The following SPTB variants were observed in gnomAD, a reference collection of about 807,000 sequenced individuals.
SPTB encodes spectrin beta, erythrocytic.
In SPTB, 45 loss-of-function variants were observed where a neutral mutation model predicts 256.2. The observed-to-expected ratio is 0.18, with a 90% CI of 0.14 to 0.23. SPTB has a LOEUF of 0.23. Ranked by LOEUF, SPTB falls within the 10% of genes least tolerant of loss-of-function variation. The pLI is 1.00. For synonymous variants in SPTB, 1,231 were observed against 1,243.1 expected (o/e 0.99, Z 0.21); for missense variants, 2,715 against 3,040.4 (o/e 0.89, Z 2.52).
intron 1 of SPTB, among the ~76,000 whole-genome samples, chr14:64,830,057 C>G (rs2083429316): frequency 6.6e-6 from 1 of 152,148 alleles, no homozygotes; most frequent in Admixed American, 6.5e-5. Flanking sequence ...CCTGGTCACC[C>G]TCTCTAAGGT....
chr14:64,842,494 C>A (rs559093308), intron 1 of SPTB, among the ~76,000 whole-genome samples: 5 of 152,230 alleles, frequency 3.3e-5, no homozygotes, highest in Admixed American at 6.5e-5. Context: ...GAGCCCTAGG[C>A]CATTTACTTA....
intron 1 of SPTB, among the ~76,000 whole-genome samples, chr14:64,868,377 A>G (rs1015566944): frequency 6.6e-6 from 1 of 152,196 alleles, no homozygotes; most frequent in Non-Finnish European, 1.5e-5. Context: ...TGGTGACAAC[A>G]TGAACCTAGC....
intron 1 of SPTB, among the ~76,000 whole-genome samples, chr14:64,838,864 T>C (rs896315621): frequency 1.3e-5 from 2 of 152,172 alleles, no homozygotes; most frequent in African/African-American, 4.8e-5. Flanking sequence ...CTGGGTGTGG[T>C]GACTCACATC....
At chr14:64,877,524 T>G (rs1882882883) in intron 1 of SPTB, among the ~76,000 whole-genome samples, 1 of 152,202 alleles carries the variant, frequency 6.6e-6, no homozygotes, top group South Asian at 2.1e-4. Flanking sequence ...TTTCCTTACT[T>G]GTAAAATGTT....
rs771882023 is a variant in SPTB, at chr14:64,775,117, G to A, written c.4842+8C>T. On this transcript the variant is annotated splice_region_variant and intron_variant, in intron 23 of 35. Transcript: ENST00000644917. This position sits in a 1 kb window ranked among gnomAD's most constrained non-coding sequence, Gnocchi z 5.0. ...GCACCCTGGCTGGTATCCCCTGCCCGAACAGACCTTGGGGATCTCATCGGA... is the reference window on the plus strand; with the variant it reads ...GCACCCTGGCTGGTATCCCCTGCCCAAACAGACCTTGGGGATCTCATCGGA... The A allele has an allele frequency of 1.1e-5, 17 of 1,613,672 alleles. No individual in the cohort carries two copies. The highest frequency in any genetic ancestry group is 6.7e-5 in the East Asian group (3 of 44,888).
At chr14:64,833,223 T>A (rs760970281) in intron 1 of SPTB, among the ~76,000 whole-genome samples, 2 of 152,190 alleles carry the variant, frequency 1.3e-5, no homozygotes, top group Non-Finnish European at 2.9e-5. Context: ...TTCTTCTCTG[T>A]CAGAACTCAG....
At chr14:64,769,246 C>G (rs1267299900) in intron 28 of SPTB, 128 bp from the exon 29 acceptor site, 1 of 951,108 alleles carries the variant, frequency 1.1e-6, no homozygotes, top group Non-Finnish European at 1.7e-6. Flanking sequence ...CTTGGCCCAG[C>G]TGCTTGCCAG....
intron 9 of SPTB, among the ~76,000 whole-genome samples, chr14:64,799,153 G>A (rs915242346): frequency 2.6e-5 from 4 of 152,252 alleles, no homozygotes; most frequent in African/African-American, 9.6e-5. Context: ...GTGCACAGTT[G>A]TGTGTATGCA....
In SPTB at chr14:64,753,574, G is replaced by A; in HGVS notation, c.6565C>T (p.His2189Tyr). The A allele has an allele frequency of 6.2e-7, 1 of 1,613,588 alleles. No homozygotes were observed. Among genetic ancestry groups the A allele is most frequent in the Non-Finnish European group, 8.5e-7 (1 of 1,180,012 alleles). Residue 2189 changes from histidine (H) to tyrosine (Y), a missense_variant, in exon 33 of 36, where the codon CAT becomes TAT. His to Tyr is a moderately conservative substitution (Grantham distance 83). This residue lies in a region of SPTB where 2,239 missense variants were observed against 2,384.4 expected (regional missense o/e 0.94). Coordinates refer to ENST00000644917, the MANE Select transcript of SPTB (RefSeq NM_001355436.2). ...VQMEGYLGRKHDLEGPNKKAS... is the reference protein window; with the variant it reads ...VQMEGYLGRKYDLEGPNKKAS... The stretch of plus-strand genomic sequence containing the variant: ...TTCTTGTTGGGCCCCTCCAGGTCAT[G>A]CTTGCGGCCCAGGTAGCCTTCCATC...
In SPTB at chr14:64,779,058, G is replaced by A; in HGVS notation, c.4563+99C>T. 4.6e-6 allele frequency: 4 copies of A among 875,228 alleles called. No homozygotes were observed. The highest frequency in any genetic ancestry group is 2.9e-5 in the South Asian group (2 of 69,716). The allele number at this position is 875,228 out of a possible 1,614,324, so 54.2% of individuals were successfully genotyped here. A position where few individuals can be genotyped will look rare whatever the true frequency, so the allele number is the denominator to read the frequency against. On this transcript the variant is annotated intron_variant, in intron 22 of 35. Coordinates refer to ENST00000644917, the MANE Select transcript of SPTB (RefSeq NM_001355436.2). This position sits in a 1 kb window ranked among gnomAD's most constrained non-coding sequence, Gnocchi z 4.2. The stretch of plus-strand genomic sequence containing the variant: ...CTACCAACAAGAACAATAATCTGCT[G>A]TTGCTAGCCTTCTGCAGGTCAGGGC...
chr14:64,768,074 A>G, intron 29 of SPTB: 1 of 619,502 alleles, frequency 1.6e-6, no homozygotes, highest in Non-Finnish European at 2.9e-6. Flanking sequence ...GAGGGCTTCA[A>G]TCTGTCACCC....
In SPTB at chr14:64,749,375, G is replaced by A. The variant is rs750587649; in HGVS notation, c.6918C>T (p.Ser2306=). The A allele has an allele frequency of 7.5e-6, 12 of 1,610,154 alleles. No individual in the cohort carries two copies. Among genetic ancestry groups the A allele is most frequent in the South Asian group, 3.3e-5 (3 of 90,992 alleles). The change falls in exon 36 of 36, where the codon TCC becomes TCT. Residue 2306 remains serine (S), a synonymous_variant. Transcript: ENST00000644917. The surrounding 1 kb of genome is among the most constrained non-coding windows in gnomAD (Gnocchi z 4.7). ...TCTTGCCGAGGCTGGCGTCGGGGCC[G>A]GAGAGGGAAGGCAGGGGCAGGCTCT... ...KAQSLPLPSL[S]GPDASLGKKD...
At position 64,876,144 on chromosome 14, in the gene SPTB, T is replaced by TTTTG. The variant is rs559048078; in HGVS notation, c.-52+3644_-52+3647dup. Among the ~76,000 whole-genome samples the TTTTG allele has an allele frequency of 7.2e-5, 11 of 152,092 alleles. 1 individual carries two copies. The highest frequency in any genetic ancestry group is 2.4e-4 in the African/African-American group (10 of 41,466). ...TATACCTGGCTTTTTTATATCAATTTTTTGTTTGTTTGTTTGAGACACAAT... is the reference window on the plus strand; with the variant it reads ...TATACCTGGCTTTTTTATATCAATTTTTTGTTTGTTTGTTTGTTTGAGACACAAT... On this transcript the variant is annotated intron_variant, in intron 1 of 35. Coordinates refer to ENST00000644917, the MANE Select transcript of SPTB (RefSeq NM_001355436.2).
At chr14:64,763,275 G>A (rs1170861778) in intron 32 of SPTB, among the ~76,000 whole-genome samples, 4 of 152,248 alleles carry the variant, frequency 2.6e-5, no homozygotes, top group Admixed American at 6.5e-5. Context: ...GTCTGGAGCA[G>A]GTCTGCCTGC....
At chr14:64,879,377 A>G (rs1242581096) in intron 1 of SPTB, among the ~76,000 whole-genome samples, 1 of 152,204 alleles carries the variant, frequency 6.6e-6, no homozygotes, top group African/African-American at 2.4e-5. Context: ...AGCCGGACAA[A>G]AAAAGGCAGA....
At position 64,801,826 on chromosome 14, in the gene SPTB, T is replaced by G. The variant is rs866674387; in HGVS notation, c.575A>C (p.His192Pro). 7 of 1,614,162 alleles carry G rather than the reference T, an allele frequency of 4.3e-6. No individual in the cohort carries two copies. The highest frequency in any genetic ancestry group is 5.9e-6 in the Non-Finnish European group (7 of 1,180,026). ...GGAGGTAAAGTTGGTGACATTAACATGAGGGTAGCTGCATCCAAGAGAAAC... is the reference window on the plus strand; with the variant it reads ...GGAGGTAAAGTTGGTGACATTAACAGGAGGGTAGCTGCATCCAAGAGAAAC... The part of the protein sequence containing the change: ...WCQMKTAGYP[H>P]VNVTNFTSSW... The change falls in exon 6 of 36, where the codon CAT becomes CCT. Residue 192 changes from histidine to proline, a missense_variant. Transcript: ENST00000644917.
At chr14:64,763,758 C>G (rs771231359) in intron 32 of SPTB, 1 of 518,996 alleles carries the variant, frequency 1.9e-6, no homozygotes, top group Non-Finnish European at 3.8e-6. Flanking sequence ...CATGCACTTA[C>G]CTGTATGAAC....
intron 15 of SPTB, among the ~76,000 whole-genome samples, chr14:64,788,646 A>G (rs1375821253): frequency 1.3e-5 from 2 of 152,190 alleles, no homozygotes; most frequent in Non-Finnish European, 2.9e-5. Context: ...GTCCCCAGGC[A>G]AGAGGCCCCA....
At chr14:64,773,066 G>A in intron 25 of SPTB, 112 bp from the exon 26 acceptor site, 1 of 1,556,834 alleles carries the variant, frequency 6.4e-7, no homozygotes, top group Non-Finnish European at 8.7e-7. Flanking sequence ...GAGCTGCGCT[G>A]TCACACCTTC....
Sources: allele counts gnomAD v4.1 joint callset (sites outside exome capture counted in the v4.1 genomes callset), GRCh38; gene constraint gnomAD v4.1.1; regional missense constraint gnomAD v4.1.1; non-coding constraint Gnocchi (gnomAD v3.1); transcripts MANE v1.5; gene names NCBI Gene and HGNC (gene_info 2026-07-23, HGNC 2026-07-21).